Variants in LMTK3 observed in about 807,000 individuals in gnomAD.
The protein encoded by LMTK3 is serine/threonine-protein kinase LMTK3.
A neutral mutation model predicts 116.7 loss-of-function variants in LMTK3; 27 were observed. The ratio of observed to expected loss-of-function variants is 0.23; its 90% confidence interval spans 0.17 to 0.32. The LOEUF (loss-of-function observed/expected upper bound fraction) is 0.32, where lower values mean the gene tolerates loss of function less well. LMTK3 is among the 10% of genes least tolerant of loss of function. LMTK3 has a pLI of 1.00. For missense variants in LMTK3, 1,764 were observed against 2,068.5 expected, an observed-to-expected ratio of 0.85 and a Z score of 2.86; for synonymous variants, 965 against 971.0, an observed-to-expected ratio of 0.99 and a Z score of 0.11.
In LMTK3 at chr19:48,499,349, AGGGGGCCTG is replaced by A; in HGVS notation, c.1711_1719del (p.Gln571_Pro573del). 2.2e-6 allele frequency: 3 copies of A among 1,384,280 alleles called. No individual in the cohort carries two copies. The highest frequency in any genetic ancestry group is 2.8e-6 in the Non-Finnish European group (3 of 1,060,128). 85.7% of individuals were successfully genotyped at this position (1,384,280 alleles called of 1,614,324 possible). ...TCGGACACCAGCTGGGGGACCTCGG[AGGGGGCCTG>A]GGGGGCCTGAGGGGCGGGCACTCCT... On this transcript the variant is annotated inframe_deletion, in exon 11 of 15. Transcript: ENST00000600059.
At chr19:48,486,305 C>T (rs1218555984) in intron 14 of LMTK3, among the ~76,000 whole-genome samples, 5 of 151,410 alleles carry the variant, frequency 3.3e-5, no homozygotes, top group African/African-American at 4.9e-5. Context: ...GTGATCCACC[C>T]GCCTCGGCCT....
chr19:48,507,605 TTTTA>T (rs201447909), intron 5 of LMTK3, among the ~76,000 whole-genome samples: 2,994 of 152,292 alleles, frequency 0.02, 49 homozygotes, highest in Middle Eastern at 0.13. Context: ...TTAGCTTACA[TTTTA>T]TTTATTTATT....
intron 7 of LMTK3, 82 bp from the exon 8 acceptor site, chr19:48,501,644 C>G (rs1432586180): frequency 1.3e-5 from 18 of 1,357,036 alleles, no homozygotes; most frequent in Admixed American, 4.0e-5. Flanking sequence ...CTGACTCCAC[C>G]CCTCCCATGA....
chr19:48,508,630 C>G (rs1218955410), intron 5 of LMTK3, among the ~76,000 whole-genome samples: 2 of 152,138 alleles, frequency 1.3e-5, no homozygotes, highest in East Asian at 3.8e-4. Context: ...GAGCAGGCCT[C>G]TAGCTCAGCT....
At position 48,491,367 on chromosome 19, in the gene LMTK3, C is replaced by T; in HGVS notation, c.4228+37G>A. ...AGACCCCGCCCCGTCCGCCCCATGG[C>T]TCCCGCCCCCTCCCGCCCCATAGGG... is the stretch of plus-strand genomic sequence containing the variant. On this transcript the variant is annotated intron_variant, in intron 13 of 14. Coordinates refer to ENST00000600059, the MANE Select transcript of LMTK3 (RefSeq NM_001388485.1). The surrounding 1 kb of genome is among the most constrained non-coding windows in gnomAD (Gnocchi z 5.1). The T allele has an allele frequency of 5.9e-6, 7 of 1,193,240 alleles. 1 individual carries two copies. In the South Asian group the frequency reaches 1.3e-4, roughly 22 times the overall value. 73.9% of individuals were successfully genotyped at this position (1,193,240 alleles called of 1,614,324 possible).
At chr19:48,502,268 T>TCCCGCCTCCTCTCCTGGC (rs2147551642) in intron 7 of LMTK3, among the ~76,000 whole-genome samples, 165 bp downstream of exon 7, 1 of 140,120 alleles carries the variant, frequency 7.1e-6, no homozygotes, top group African/African-American at 2.7e-5. Context: ...CCCCTCCTGG[T>TCCCGCCTCCTCTCCTGGC]CCCGCCTCCT....
At chr19:48,503,058 C>A (rs1287224152) in intron 5 of LMTK3, 62 bp from the exon 6 acceptor site, 1 of 1,004,672 alleles carries the variant, frequency 1.0e-6, no homozygotes, top group East Asian at 2.5e-5. Flanking sequence ...CCTGCCCCAA[C>A]CCCCAGCAGA....
Position 48,510,491 on chromosome 19 carries a change from G to T in LMTK3, c.178C>A (p.Leu60Met). The change falls in exon 2 of 15, where the codon CTG becomes ATG. Residue 60 changes from leucine (L) to methionine (M), a missense_variant. This residue lies in a region of LMTK3 where 271 missense variants were observed against 478.2 expected (regional missense o/e 0.57). Transcript: ENST00000600059. ...CCGACATCGCCCCGTTTGCAGCACA[G>T]ACAGGTGAGGAGGAGGAAGATGAAG... ...LAFIFLLLTCLCCKRGDVGFK... is the reference protein window; with the variant it reads ...LAFIFLLLTCMCCKRGDVGFK... 6.3e-7 allele frequency: 1 copy of T among 1,597,380 alleles called. No individual in the cohort carries two copies. Among genetic ancestry groups the T allele is most frequent in the Admixed American group, 1.7e-5 (1 of 57,168 alleles).
chr19:48,511,202 C>T (rs1002054446), intron 1 of LMTK3, among the ~76,000 whole-genome samples: 2 of 152,220 alleles, frequency 1.3e-5, no homozygotes, highest in African/African-American at 4.8e-5. Context: ...TGTCCTCTGC[C>T]CCCAATTCTC....
chr19:48,511,436 G>T, intron 1 of LMTK3, 65 bp downstream of exon 1: 1 of 659,958 alleles, frequency 1.5e-6, no homozygotes, highest in Non-Finnish European at 2.3e-6. Context: ...CAGACCCCTG[G>T]GCAGACAGCG....
intron 5 of LMTK3, among the ~76,000 whole-genome samples, chr19:48,504,981 C>CCAAGTCAA (rs1351935663): frequency 3.9e-5 from 6 of 152,066 alleles, no homozygotes; most frequent in Admixed American, 1.3e-4. Context: ...GCTGACTTCT[C>CCAAGTCAA]CAAGTCAACC....
At position 48,497,944 on chromosome 19, in the gene LMTK3, G is replaced by T. The variant is rs375313015; in HGVS notation, c.3125C>A (p.Thr1042Lys). The T allele has an allele frequency of 3.9e-6, 6 of 1,558,286 alleles. No homozygotes were observed. In the African/African-American group the frequency reaches 8.3e-5, roughly 22 times the overall value. The part of the protein sequence containing the change: ...KTPESWGPAP[T>K]IGEPAPETSL... ...GGTCTCTGGGGCTGGCTCCCCGATC[G>T]TGGGGGCTGGACCCCAACTCTCGGG... Residue 1042 changes from threonine to lysine, a missense_variant, in exon 11 of 15, where the codon ACG becomes AAG. Physicochemically the swap from Thr to Lys is moderately conservative, Grantham distance 78 (BLOSUM62 -1). This residue lies in a region of LMTK3 where 1,028 missense variants were observed against 1,050.6 expected (regional missense o/e 0.98). Transcript: ENST00000600059. This position sits in a 1 kb window ranked among gnomAD's most constrained non-coding sequence, Gnocchi z 5.7.
chr19:48,506,697 C>T (rs1392240380), intron 5 of LMTK3, among the ~76,000 whole-genome samples: 1 of 152,158 alleles, frequency 6.6e-6, no homozygotes, highest in Non-Finnish European at 1.5e-5. Context: ...TGTTTTCTCA[C>T]GCTGTCTCCC....
At position 48,499,153 on chromosome 19, in the gene LMTK3, TC is replaced by T; in HGVS notation, c.1915del (p.Glu639LysfsTer51). On this transcript the variant is annotated frameshift_variant, in exon 11 of 15. Transcript: ENST00000600059. LOFTEE classifies it high-confidence loss of function. The part of the protein sequence containing the change: ...LGERGTAPWV[E>X]EEEEEEEGSS... The stretch of plus-strand genomic sequence containing the variant: ...GCCCTCCTCCTCCTCCTCTTCTTCT[TC>T]CACCCACGGGGCGGTCCCCCGCTCC... The T allele has an allele frequency of 6.5e-7, 1 of 1,532,838 alleles. No homozygotes were observed. Among genetic ancestry groups the T allele is most frequent in the Non-Finnish European group, 8.7e-7 (1 of 1,142,988 alleles). 95.0% of individuals were successfully genotyped at this position (1,532,838 alleles called of 1,614,324 possible). A position where few individuals can be genotyped will look rare whatever the true frequency, so the allele number is the denominator to read the frequency against.
Position 48,499,126 on chromosome 19 carries a change from C to A in LMTK3, c.1943G>T (p.Ser648Ile). The A allele has an allele frequency of 6.4e-7, 1 of 1,554,480 alleles. No homozygotes were observed. The highest frequency in any genetic ancestry group is 8.7e-7 in the Non-Finnish European group (1 of 1,154,626). ...GCTGCTGCTGTCTTCCCCTGGGGAG[C>A]TGCCCTCCTCCTCCTCCTCTTCTTC... ...VEEEEEEEEG[S>I]SPGEDSSSLG... The change falls in exon 11 of 15, where the codon AGC becomes ATC. Residue 648 changes from serine to isoleucine, a missense_variant. Physicochemically the swap from Ser to Ile is moderately radical, Grantham distance 142. Coordinates refer to ENST00000600059, the MANE Select transcript of LMTK3 (RefSeq NM_001388485.1).
chr19:48,504,973 T>C (rs1261859320), intron 5 of LMTK3, among the ~76,000 whole-genome samples: 1 of 152,142 alleles, frequency 6.6e-6, no homozygotes, highest in Non-Finnish European at 1.5e-5. Context: ...TTTGCATGGC[T>C]GACTTCTCCA....
intron 5 of LMTK3, among the ~76,000 whole-genome samples, chr19:48,504,339 GT>G (rs1972526656): frequency 6.6e-6 from 1 of 152,124 alleles, no homozygotes; most frequent in Admixed American, 6.5e-5. Context: ...AGACTCGGGG[GT>G]TTGAACCCTG....
At chr19:48,504,440 TAAC>T (rs951951235) in intron 5 of LMTK3, among the ~76,000 whole-genome samples, 5 of 152,250 alleles carry the variant, frequency 3.3e-5, no homozygotes, top group African/African-American at 7.2e-5. Context: ...GGGACAGCGA[TAAC>T]AACTTCCTCT....
Position 48,497,957 on chromosome 19 carries a change from C to G in LMTK3, c.3112G>C (p.Gly1038Arg). 6.3e-7 allele frequency: 1 copy of G among 1,588,566 alleles called. No homozygotes were observed. Among genetic ancestry groups the G allele is most frequent in the Non-Finnish European group, 8.5e-7 (1 of 1,169,808 alleles). The change falls in exon 11 of 15, where the codon GGT (glycine) becomes CGT (arginine). Residue 1038 changes from glycine (G) to arginine (R), a missense_variant. Physicochemically the swap from Gly to Arg is moderately radical, Grantham distance 125 (BLOSUM62 -2). Coordinates refer to ENST00000600059, the MANE Select transcript of LMTK3 (RefSeq NM_001388485.1). This position sits in a 1 kb window ranked among gnomAD's most constrained non-coding sequence, Gnocchi z 5.7. ...GGCTCCCCGATCGTGGGGGCTGGAC[C>G]CCAACTCTCGGGCGTCTTCTCCCAG... ...GPWEKTPESW[G>R]PAPTIGEPAP...
Sources: allele counts gnomAD v4.1 joint callset (sites outside exome capture counted in the v4.1 genomes callset), GRCh38; gene constraint gnomAD v4.1.1; regional missense constraint gnomAD v4.1.1; non-coding constraint Gnocchi (gnomAD v3.1); transcripts MANE v1.5; gene names NCBI Gene and HGNC (gene_info 2026-07-23, HGNC 2026-07-21).